NINJ2: variants seen among roughly 807,000 people sequenced by gnomAD.
NINJ2 encodes ninjurin-2.
In NINJ2, 12 loss-of-function variants were observed where a neutral mutation model predicts 11.7. That is an observed-to-expected ratio of 1.02 (90% CI 0.66 to 1.66). The LOEUF is 1.66. NINJ2 is among the 40% of genes most tolerant of loss of function. NINJ2 has a pLI of 0.00. For synonymous variants in NINJ2, 93 were observed against 76.8 expected (o/e 1.21, Z -1.10); for missense variants, 187 against 181.8 (o/e 1.03, Z -0.16).
At chr12:587,905 C>T (rs1216357360) in intron 1 of NINJ2, among the ~76,000 whole-genome samples, 1 of 152,180 alleles carries the variant, frequency 6.6e-6, no homozygotes, top group Non-Finnish European at 1.5e-5. Context: ...TCTCACTGGA[C>T]GGTGAACTCC....
Position 654,613 on chromosome 12 carries a change from G to T in NINJ2, c.33+8715C>A, listed in dbSNP as rs557425577. ...GTTCAACATTTGAAAATCAATTAATGCTAGGTGCAGTGGCTCACGCCTTTA... is the reference window on the plus strand; with the variant it reads ...GTTCAACATTTGAAAATCAATTAATTCTAGGTGCAGTGGCTCACGCCTTTA... On this transcript the variant is annotated intron_variant, in intron 1 of 3. Coordinates refer to ENST00000305108, the MANE Select transcript of NINJ2 (RefSeq NM_016533.6). 2.0e-4 allele frequency among the ~76,000 whole-genome samples: 31 copies of T among 151,652 alleles called. No individual in the cohort carries two copies. In the South Asian group the frequency reaches 5.2e-3, roughly 25 times the overall value.
chr12:577,430 C>CATATATATGT, intron 1 of NINJ2, among the ~76,000 whole-genome samples: 66 of 93,806 alleles, frequency 7.0e-4, no homozygotes, highest in South Asian at 1.2e-3. Context: ...TATATATATA[C>CATATATATGT]ATATATATAT....
At chr12:655,392 T>C (rs1937859394) in intron 1 of NINJ2, among the ~76,000 whole-genome samples, 1 of 152,202 alleles carries the variant, frequency 6.6e-6, no homozygotes. Context: ...AAAAATCTGC[T>C]GGAACTAATA....
At chr12:565,557 G>A in intron 2 of NINJ2, 156 bp from the exon 3 acceptor site, 2 of 760,636 alleles carry the variant, frequency 2.6e-6, no homozygotes, top group Admixed American at 5.3e-5. Context: ...AGATGCCTCT[G>A]CCCTCGCCAA....
chr12:653,694 A>C (rs1937830003), intron 1 of NINJ2, among the ~76,000 whole-genome samples: 1 of 148,166 alleles, frequency 6.7e-6, no homozygotes, highest in Admixed American at 6.7e-5. Context: ...CACCAAAGGC[A>C]AAAAAAAAAG....
At chr12:577,667 T>C (rs1947488092) in intron 1 of NINJ2, among the ~76,000 whole-genome samples, 1 of 151,738 alleles carries the variant, frequency 6.6e-6, no homozygotes, top group Non-Finnish European at 1.5e-5. Flanking sequence ...GTTCTCCATG[T>C]GTGCTCCTTG....
intron 1 of NINJ2, chr12:630,882 G>T (rs1314086339): frequency 6.6e-6 from 1 of 152,346 alleles, no homozygotes; most frequent in Non-Finnish European, 1.5e-5. Context: ...GGAGGAGGAA[G>T]AAGGGGTCAG....
intron 1 of NINJ2, among the ~76,000 whole-genome samples, chr12:573,316 C>G (rs1947405380): frequency 6.6e-6 from 1 of 152,138 alleles, no homozygotes; most frequent in Non-Finnish European, 1.5e-5. Context: ...CGTGAGCCAC[C>G]ACACCAGGCC....
At chr12:641,576 C>T (rs1250466345) in intron 1 of NINJ2, among the ~76,000 whole-genome samples, 1 of 152,094 alleles carries the variant, frequency 6.6e-6, no homozygotes, top group Non-Finnish European at 1.5e-5. Flanking sequence ...CGCGGTGGCT[C>T]ACACTTGTAA....
At chr12:566,806 A>G (rs1409994083) in intron 1 of NINJ2, among the ~76,000 whole-genome samples, 1 of 152,242 alleles carries the variant, frequency 6.6e-6, no homozygotes, top group Non-Finnish European at 1.5e-5. Flanking sequence ...CATACTAGTT[A>G]AACACTCACA....
chr12:590,016 G>T (rs1212522998), intron 1 of NINJ2, among the ~76,000 whole-genome samples: 5 of 152,222 alleles, frequency 3.3e-5, no homozygotes, highest in African/African-American at 1.2e-4. Context: ...GGCTGATGAG[G>T]CACTTAGGCT....
chr12:565,867 G>T (rs1947290316), intron 2 of NINJ2, 83 bp downstream of exon 2: 1 of 1,182,904 alleles, frequency 8.5e-7, no homozygotes, highest in South Asian at 1.2e-5. Flanking sequence ...TGCCAATGCA[G>T]GGTGGCCCAG....
intron 1 of NINJ2, among the ~76,000 whole-genome samples, chr12:646,925 G>A (rs1275764892): frequency 4.7e-5 from 7 of 148,066 alleles, no homozygotes; most frequent in Admixed American, 6.7e-5. Context: ...TTCTCCTGGC[G>A]TGGAGCCTGG....
In NINJ2 at chr12:579,825, A is replaced by G. The variant is rs1227573679; in HGVS notation, c.34-13647T>C. Among the ~76,000 whole-genome samples the G allele has an allele frequency of 2.6e-5, 4 of 152,210 alleles. No homozygotes were observed. In the South Asian group the frequency reaches 8.3e-4, roughly 32 times the overall value. On this transcript the variant is annotated intron_variant, in intron 1 of 3. Transcript: ENST00000305108. ...GGAAAAAGCATAGGTCACAGATCCT[A>G]TGGTGTTTCTTTTCTCTGAGTTCAC...
chr12:565,770 C>T, intron 2 of NINJ2, 180 bp downstream of exon 2: 1 of 682,634 alleles, frequency 1.5e-6, no homozygotes, highest in Non-Finnish European at 2.6e-6. Context: ...GGACAGGGCG[C>T]CTGCCCTCGC....
In NINJ2 at chr12:580,598, AATATAT is replaced by A. The variant is rs200833054; in HGVS notation, c.34-14426_34-14421del. Among the ~76,000 whole-genome samples, 59 of 60,506 alleles carry A rather than the reference AATATAT, an allele frequency of 9.8e-4. No homozygotes were observed. Among genetic ancestry groups the A allele is most frequent in the African/African-American group, 2.6e-3 (50 of 19,080 alleles). 39.7% of individuals were successfully genotyped at this position (60,506 alleles called of 152,430 possible). A position where few individuals can be genotyped will look rare whatever the true frequency, so the allele number is the denominator to read the frequency against. On this transcript the variant is annotated intron_variant, in intron 1 of 3. Coordinates refer to ENST00000305108, the MANE Select transcript of NINJ2 (RefSeq NM_016533.6). This position sits in a 1 kb window ranked among gnomAD's most constrained non-coding sequence, Gnocchi z 4.7. ...AGAGACCCTGTCTCAAAAAAAAAAA[AATATAT>A]ATATATATATATCCATTTGTCATTC... is the stretch of plus-strand genomic sequence containing the variant.
At position 565,102 on chromosome 12, in the gene NINJ2, A is replaced by G. The variant is rs1947273533; in HGVS notation, c.*18+115T>C. ...AGATCCTCTCCTTGCTCTCGGAGCTACAGGCCTTCCCCCTTTGTTTGGCAA... is the reference window on the plus strand; with the variant it reads ...AGATCCTCTCCTTGCTCTCGGAGCTGCAGGCCTTCCCCCTTTGTTTGGCAA... On this transcript the variant is annotated intron_variant, in intron 3 of 3. Transcript: ENST00000305108. 12 of 818,652 alleles carry G rather than the reference A, an allele frequency of 1.5e-5. No individual in the cohort carries two copies. In the East Asian group the frequency reaches 3.3e-4, roughly 22 times the overall value. 50.7% of individuals were successfully genotyped at this position (818,652 alleles called of 1,614,324 possible).
chr12:654,975 T>C (rs896449687), intron 1 of NINJ2, among the ~76,000 whole-genome samples: 3 of 148,406 alleles, frequency 2.0e-5, no homozygotes, highest in African/African-American at 7.5e-5. Context: ...AAAAGAAAAA[T>C]CACATGATCA....
rs1947407501 is a variant in NINJ2, at chr12:573,445, G to A, written c.34-7267C>T. 5.3e-5 allele frequency among the ~76,000 whole-genome samples: 8 copies of A among 152,092 alleles called. No individual in the cohort carries two copies. The South Asian group carries it at 6.2e-4, about 12-fold the overall frequency. ...GTGCAGTCTGGCTGGGTGTGGTGCC[G>A]CATGCCTATTGCCATCCCAGCTATT... On this transcript the variant is annotated intron_variant, in intron 1 of 3. Coordinates refer to ENST00000305108, the MANE Select transcript of NINJ2 (RefSeq NM_016533.6).
Sources: gnomAD v4.1 joint callset for allele counts (sites outside exome capture counted in the v4.1 genomes callset) on GRCh38, gnomAD v4.1.1 for gene constraint, Gnocchi (gnomAD v3.1) non-coding constraint, MANE v1.5 for transcripts, NCBI Gene and HGNC (gene_info 2026-07-23, HGNC 2026-07-21) for gene names.